The following NAV1 variants were observed in gnomAD, a reference collection of about 807,000 sequenced individuals.
NAV1 encodes neuron navigator 1, also known as pore membrane and/or filament interacting like protein 3.
A neutral mutation model predicts 175.2 loss-of-function variants in NAV1; 18 were observed. The observed-to-expected ratio is 0.10, with a 90% confidence interval of 0.07 to 0.15. The LOEUF (loss-of-function observed/expected upper bound fraction) is 0.15. Ranked by LOEUF, NAV1 falls within the 10% of genes least tolerant of loss-of-function variation. NAV1 has a pLI of 1.00. For missense variants in NAV1, 1,731 were observed against 2,436.6 expected (o/e 0.71, Z 6.10); for synonymous variants, 897 against 978.7 (o/e 0.92, Z 1.56).
intron 1 of NAV1, among the ~76,000 whole-genome samples, chr1:201,562,903 G>A (rs371624395): frequency 2.6e-5 from 4 of 152,254 alleles, no homozygotes; most frequent in East Asian, 1.9e-4. Context: ...GTTGGATCAC[G>A]GGATCTGTCT....
rs1667087984 is a variant in NAV1 at position 201,588,199 on chromosome 1, A to G, written c.-143-340A>G. On this transcript the variant is annotated intron_variant, in intron 1 of 33. Coordinates refer to the NAV1 transcript ENST00000685211. ...ATAAATGGATGAACAAAAATGTGATATATCATACAGTGGAATCTTATTCGG... is the reference window on the plus strand; with the variant it reads ...ATAAATGGATGAACAAAAATGTGATGTATCATACAGTGGAATCTTATTCGG... Among the ~76,000 whole-genome samples the G allele has an allele frequency of 3.3e-5, 5 of 152,246 alleles. No homozygotes were observed. The South Asian group carries it at 1.0e-3, about 31-fold the overall frequency.
At chr1:201,655,382 T>A (rs868808935) in intron 1 of NAV1, among the ~76,000 whole-genome samples, 16 of 152,238 alleles carry the variant, frequency 1.1e-4, no homozygotes, top group African/African-American at 2.9e-4. Context: ...CACACCCTGT[T>A]TGGATTACCC....
chr1:201,751,275 T>C (rs554615401), intron 3 of NAV1, among the ~76,000 whole-genome samples: 12 of 152,192 alleles, frequency 7.9e-5, no homozygotes, highest in Non-Finnish European at 1.8e-4. Context: ...AGGAAAAGGA[T>C]TGATGTCCTG....
At chr1:201,593,061 C>T (rs1429320437) in intron 2 of NAV1, among the ~76,000 whole-genome samples, 3 of 152,164 alleles carry the variant, frequency 2.0e-5, no homozygotes, top group Non-Finnish European at 4.4e-5. Context: ...CCTTAGATTG[C>T]CCCAGACACC....
chr1:201,601,318 T>A (rs1190419027), intron 2 of NAV1, among the ~76,000 whole-genome samples: 1 of 152,086 alleles, frequency 6.6e-6, no homozygotes, highest in East Asian at 1.9e-4. Context: ...CCTGACTCTA[T>A]CACACACACA....
chr1:201,783,015 G>A, intron 6 of NAV1, 146 bp downstream of exon 10: 2 of 684,058 alleles, frequency 2.9e-6, no homozygotes, highest in Non-Finnish European at 4.8e-6. Flanking sequence ...TCCCCCATAT[G>A]CCAAGGTTCT....
chr1:201,562,353 C>T (rs887700437), intron 1 of NAV1, among the ~76,000 whole-genome samples: 4 of 152,104 alleles, frequency 2.6e-5, no homozygotes, highest in South Asian at 2.1e-4. Context: ...GTATGCCCCC[C>T]GACCTTGGGT....
intron 1 of NAV1, among the ~76,000 whole-genome samples, chr1:201,659,429 A>G (rs1169704264): frequency 2.0e-5 from 3 of 152,220 alleles, no homozygotes; most frequent in African/African-American, 7.2e-5. Context: ...CAGTGTGGGC[A>G]ACAAAGCAAG....
At chr1:201,717,907 C>G (rs1235107391) in intron 2 of NAV1, among the ~76,000 whole-genome samples, 1 of 152,242 alleles carries the variant, frequency 6.6e-6, no homozygotes, top group Non-Finnish European at 1.5e-5. Flanking sequence ...GCCTTCTAAG[C>G]TCAAGTGACC....
intron 1 of NAV1, among the ~76,000 whole-genome samples, chr1:201,649,998 C>A (rs1669127000): frequency 6.6e-6 from 1 of 151,996 alleles, no homozygotes; most frequent in Non-Finnish European, 1.5e-5. Context: ...GGGCCGGGGG[C>A]GGGCGGGCTG....
At chr1:201,617,327 C>G (rs1428292423) in intron 2 of NAV1, among the ~76,000 whole-genome samples, 1 of 152,068 alleles carries the variant, frequency 6.6e-6, no homozygotes, top group Non-Finnish European at 1.5e-5. Flanking sequence ...CCAGCTCTAC[C>G]CCTAAACTTC....
At chr1:201,601,924 G>A (rs984960994) in intron 2 of NAV1, among the ~76,000 whole-genome samples, 6 of 152,062 alleles carry the variant, frequency 3.9e-5, no homozygotes, top group African/African-American at 7.2e-5. Context: ...TGTCGAGGAG[G>A]GGATCCACAG....
At chr1:201,609,363 C>T (rs1478294777) in intron 2 of NAV1, among the ~76,000 whole-genome samples, 2 of 152,240 alleles carry the variant, frequency 1.3e-5, no homozygotes, top group Admixed American at 6.5e-5. Flanking sequence ...CTCTGCTGTT[C>T]CAGGCAGGAA....
intron 1 of NAV1, among the ~76,000 whole-genome samples, chr1:201,569,916 A>G (rs550532366): frequency 1.3e-5 from 2 of 152,182 alleles, no homozygotes; most frequent in Admixed American, 6.5e-5. Flanking sequence ...TTTACTTCTC[A>G]GTTGCTGTTT....
intron 1 of NAV1, among the ~76,000 whole-genome samples, chr1:201,656,886 G>C (rs1372843026): frequency 6.6e-6 from 1 of 152,202 alleles, no homozygotes; most frequent in Middle Eastern, 3.2e-3. Flanking sequence ...GAAAAGCACT[G>C]TAAGTGCTGG....
chr1:201,665,815 C>T (rs1218249024), intron 1 of NAV1, among the ~76,000 whole-genome samples: 4 of 151,842 alleles, frequency 2.6e-5, no homozygotes, highest in African/African-American at 4.8e-5. Flanking sequence ...GTTTTTCTAC[C>T]ATCTACGTTG....
chr1:201,708,211 T>G (rs987385957), intron 1 of NAV1, among the ~76,000 whole-genome samples: 52 of 152,144 alleles, frequency 3.4e-4, no homozygotes, highest in African/African-American at 1.1e-3. Flanking sequence ...TATGCTGCTG[T>G]TTGTGGTAAC....
chr1:201,640,837 A>G (rs1668732037), intron 2 of NAV1, among the ~76,000 whole-genome samples: 1 of 152,238 alleles, frequency 6.6e-6, no homozygotes, highest in Non-Finnish European at 1.5e-5. Context: ...TCATTTAATC[A>G]ATCGTCATTC....
intron 1 of NAV1, among the ~76,000 whole-genome samples, chr1:201,582,678 G>C (rs1215560550): frequency 6.6e-6 from 1 of 152,234 alleles, no homozygotes; most frequent in Non-Finnish European, 1.5e-5. Flanking sequence ...CAACAAGGGA[G>C]CATGATTCTG....
Sources: allele counts gnomAD v4.1 joint callset (sites outside exome capture counted in the v4.1 genomes callset), GRCh38; gene constraint gnomAD v4.1.1; transcripts MANE v1.5; gene names NCBI Gene and HGNC (gene_info 2026-07-23, HGNC 2026-07-21).